The following CNTN1 variants were observed in gnomAD, a reference collection of about 807,000 sequenced individuals.
CNTN1 encodes contactin 1.
A neutral mutation model predicts 126.4 loss-of-function variants in CNTN1; 38 were observed. The observed-to-expected ratio is 0.30, with a 90% CI of 0.23 to 0.39. The LOEUF (loss-of-function observed/expected upper bound fraction) is 0.39. Ranked by LOEUF, CNTN1 falls within the 10% of genes least tolerant of loss-of-function variation. CNTN1 has a pLI of 1.00. For synonymous variants in CNTN1, 413 were observed against 422.6 expected (o/e 0.98, Z 0.28); for missense variants, 1,009 against 1,248.4 (o/e 0.81, Z 2.89).
chr12:40,881,702 A>G (rs1272048453), intron 1 of CNTN1, among the ~76,000 whole-genome samples: 1 of 151,912 alleles, frequency 6.6e-6, no homozygotes, highest in South Asian at 2.1e-4. Context: ...CAGTAACATT[A>G]CATATAAAAG....
intron 1 of CNTN1, among the ~76,000 whole-genome samples, chr12:40,811,894 T>C (rs1941079402): frequency 6.6e-6 from 1 of 152,044 alleles, no homozygotes; most frequent in Non-Finnish European, 1.5e-5. Flanking sequence ...TTTCACTTAT[T>C]TCTGCTCTGA....
chr12:41,016,007 C>A (rs1265332028), intron 18 of CNTN1, among the ~76,000 whole-genome samples: 1 of 152,182 alleles, frequency 6.6e-6, no homozygotes, highest in African/African-American at 2.4e-5. Flanking sequence ...TACTTTTATT[C>A]CTCTTACCAG....
Position 40,993,286 on chromosome 12 carries a change from A to C in CNTN1, c.2113+17A>C. ...ACGGTGCTGGTATGTATATACAAGA[A>C]ACTTGAAATTTTAAAAGATTTCTAA... is the stretch of plus-strand genomic sequence containing the variant. On this transcript the variant is annotated intron_variant, in intron 17 of 23. Coordinates refer to ENST00000551295, the MANE Select transcript of CNTN1 (RefSeq NM_001843.4). The C allele has an allele frequency of 6.2e-7, 1 of 1,610,074 alleles. No individual in the cohort carries two copies. The highest frequency in any genetic ancestry group is 8.5e-7 in the Non-Finnish European group (1 of 1,176,694).
At chr12:40,852,378 G>A (rs1645000711) in intron 1 of CNTN1, among the ~76,000 whole-genome samples, 2 of 152,118 alleles carry the variant, frequency 1.3e-5, no homozygotes, top group Non-Finnish European at 2.9e-5. Context: ...AGCAATGCTT[G>A]GTTTTAAACT....
chr12:40,843,000 T>A (rs4768313), intron 1 of CNTN1, among the ~76,000 whole-genome samples: 126,961 of 152,096 alleles, frequency 0.83, 54,028 homozygotes, highest in East Asian at 0.98. Flanking sequence ...GCAAATGCTA[T>A]GAAGGATGGA....
At chr12:40,822,148 CTTTTTTT>C (rs777953120) in intron 1 of CNTN1, among the ~76,000 whole-genome samples, 13 of 47,262 alleles carry the variant, frequency 2.8e-4, no homozygotes, top group Admixed American at 1.2e-3. Context: ...AAATATAAAT[CTTTTTTT>C]TTTTTTTTTT....
At chr12:40,879,096 C>T (rs2136691984) in intron 1 of CNTN1, among the ~76,000 whole-genome samples, 1 of 152,240 alleles carries the variant, frequency 6.6e-6, no homozygotes, top group East Asian at 1.9e-4. Context: ...ACAGGCTGTG[C>T]CTTGGAGTTG....
chr12:40,881,925 T>C (rs924963550), intron 1 of CNTN1, among the ~76,000 whole-genome samples: 1 of 151,880 alleles, frequency 6.6e-6, no homozygotes, highest in African/African-American at 2.4e-5. Flanking sequence ...AAATGTGATT[T>C]GTTTTTGTAT....
intron 1 of CNTN1, among the ~76,000 whole-genome samples, chr12:40,700,594 T>C (rs1162306976): frequency 6.6e-6 from 1 of 152,172 alleles, no homozygotes; most frequent in African/African-American, 2.4e-5. Flanking sequence ...AACTTTAGTC[T>C]TCAGGTTTTG....
intron 1 of CNTN1, among the ~76,000 whole-genome samples, chr12:40,739,440 A>G (rs987782565): frequency 1.8e-4 from 27 of 152,084 alleles, no homozygotes; most frequent in Admixed American, 1.8e-3. Flanking sequence ...AAACAATTTC[A>G]GGATATTTCT....
intron 1 of CNTN1, among the ~76,000 whole-genome samples, chr12:40,764,902 A>T (rs767768579): frequency 2.0e-5 from 3 of 152,082 alleles, no homozygotes; most frequent in Non-Finnish European, 4.4e-5. Context: ...TTTTCTAGTT[A>T]TCTTTTGGTT....
intron 17 of CNTN1, among the ~76,000 whole-genome samples, chr12:41,002,755 C>T (rs550553026): frequency 6.6e-6 from 1 of 152,054 alleles, no homozygotes; most frequent in East Asian, 1.9e-4. Flanking sequence ...GATGGGGTTT[C>T]ACCATGTTAG....
intron 22 of CNTN1, among the ~76,000 whole-genome samples, chr12:41,028,815 A>G (rs1195035350): frequency 6.6e-6 from 1 of 152,172 alleles, no homozygotes; most frequent in Non-Finnish European, 1.5e-5. Flanking sequence ...GGGTCATCTC[A>G]AAAAATAAAA....
rs1946353480 is a variant in CNTN1, at chr12:40,944,039, G to A, written c.1552G>A (p.Val518Ile). The A allele has an allele frequency of 1.9e-6, 3 of 1,613,554 alleles. No individual in the cohort carries two copies. Among genetic ancestry groups the A allele is most frequent in the Non-Finnish European group, 1.7e-6 (2 of 1,179,654 alleles). ...ILAPINADIT[V>I]GENATMQCAA... ...GGCCCCAATTAATGCCGATATCACA[G>A]TTGGAGAAAACGCCACCATGCAGTG... Residue 518 changes from valine (V) to isoleucine (I), a missense_variant, in exon 14 of 24, where the codon GTT (valine) becomes ATT (isoleucine). Transcript: ENST00000551295.
chr12:40,899,092 T>C (rs532435628), intron 1 of CNTN1, among the ~76,000 whole-genome samples: 75 of 152,302 alleles, frequency 4.9e-4, no homozygotes, highest in African/African-American at 1.7e-3. Context: ...AGCTCTTGGA[T>C]CTGGCACTAT....
At chr12:40,726,338 A>T (rs1270939417) in intron 1 of CNTN1, among the ~76,000 whole-genome samples, 1 of 152,250 alleles carries the variant, frequency 6.6e-6, no homozygotes, top group South Asian at 2.1e-4. Flanking sequence ...GAAGTACCAC[A>T]CACTGGGTAA....
rs371859765 is a variant in CNTN1, at chr12:40,761,470, A to T, written c.-77+68878A>T. ...TTAGTAAACTATTTTTAAATATATG[A>T]TTCAGTCAGTTTTGATTCCTGGTTC... On this transcript the variant is annotated intron_variant, in intron 1 of 23. Coordinates refer to ENST00000551295, the MANE Select transcript of CNTN1 (RefSeq NM_001843.4). Among the ~76,000 whole-genome samples the T allele has an allele frequency of 1.3e-4, 20 of 152,124 alleles. No homozygotes were observed. The East Asian group carries it at 3.1e-3, about 23-fold the overall frequency.
At chr12:40,750,077 T>C (rs1019687658) in intron 1 of CNTN1, among the ~76,000 whole-genome samples, 2 of 152,072 alleles carry the variant, frequency 1.3e-5, no homozygotes, top group Non-Finnish European at 2.9e-5. Flanking sequence ...ATAAGCCTGA[T>C]TGAATTGGTT....
intron 1 of CNTN1, among the ~76,000 whole-genome samples, chr12:40,772,509 T>C (rs921597036): frequency 6.6e-6 from 1 of 152,004 alleles, no homozygotes; most frequent in African/African-American, 2.4e-5. Flanking sequence ...CACAGCGTTA[T>C]AAGTTTGAAA....
Sources: gnomAD v4.1 joint callset for allele counts (sites outside exome capture counted in the v4.1 genomes callset) on GRCh38, gnomAD v4.1.1 for gene constraint, MANE v1.5 for transcripts, NCBI Gene and HGNC (gene_info 2026-07-23, HGNC 2026-07-21) for gene names.